Variants in LIMS2 observed in about 807,000 individuals in gnomAD.
The protein encoded by LIMS2 is LIM zinc finger domain containing 2, also known as LIM and senescent cell antigen-like-containing domain protein 2.
In LIMS2, 30 loss-of-function variants were observed where a neutral mutation model predicts 45.3. That is an observed-to-expected ratio of 0.66 (90% confidence interval 0.50 to 0.90). LIMS2 has a LOEUF of 0.90. LIMS2 is among the 40% of genes least tolerant of loss of function. The pLI is 0.00. For missense variants in LIMS2, 485 were observed against 468.7 expected (o/e 1.03, Z -0.32); for synonymous variants, 173 against 188.0 (o/e 0.92, Z 0.65).
chr2:127,651,914 G>A (rs1455024152), intron 4 of LIMS2: 24 of 701,402 alleles, frequency 3.4e-5, no homozygotes, highest in African/African-American at 5.4e-5. Context: ...CCCATAAAAA[G>A]GAAGAACTGA....
rs1684884842 is a variant in LIMS2, at chr2:127,664,430, T to G, written c.12-6868A>C. 2 of 1,190,886 alleles carry G rather than the reference T, an allele frequency of 1.7e-6. No individual in the cohort carries two copies. The highest frequency in any genetic ancestry group is 3.2e-5 in the African/African-American group (2 of 62,672). The allele number at this position is 1,190,886 out of a possible 1,614,324, so 73.8% of individuals were successfully genotyped here. ...CTTGAGGTCGCGGGCGCGGGCCGCC[T>G]GGTGCAGGGGCTATGGGACCACCTC... On this transcript the variant is annotated intron_variant, in intron 1 of 9. Transcript: ENST00000355119. This position sits in a 1 kb window ranked among gnomAD's most constrained non-coding sequence, Gnocchi z 5.5.
chr2:127,678,551 G>A (rs570651065), upstream of LIMS2, among the ~76,000 whole-genome samples: 1 of 152,314 alleles, frequency 6.6e-6, no homozygotes, highest in South Asian at 2.1e-4. This position sits in a 1 kb window ranked among gnomAD's most constrained non-coding sequence, Gnocchi z 5.3. Flanking sequence ...TGGGCCGTGC[G>A]ACAGTAGGGA....
chr2:127,670,467 G>A (rs1007939179), intron 1 of LIMS2, among the ~76,000 whole-genome samples: 3 of 152,200 alleles, frequency 2.0e-5, no homozygotes, highest in African/African-American at 7.2e-5. Flanking sequence ...GGTGGCCAGG[G>A]CTGGGAGGAG....
Position 127,675,067 on chromosome 2 carries a change from G to A in LIMS2, c.-43C>T. 8.1e-7 allele frequency: 1 copy of A among 1,228,822 alleles called. No homozygotes were observed. Among genetic ancestry groups the A allele is most frequent in the Non-Finnish European group, 1.0e-6 (1 of 984,960 alleles). 76.1% of individuals were successfully genotyped at this position (1,228,822 alleles called of 1,614,324 possible). A position where few individuals can be genotyped will look rare whatever the true frequency, so the allele number is the denominator to read the frequency against. ...GCCCTGGGTTGCCGGGGTTGCCGCG[G>A]GTCTCCCTCTGCTGCTGCAGCCGCC... On this transcript the variant is annotated 5_prime_UTR_variant, in exon 1 of 10. Transcript: ENST00000355119.
chr2:127,660,631 G>A (rs983155438), intron 1 of LIMS2, among the ~76,000 whole-genome samples: 22 of 152,178 alleles, frequency 1.4e-4, no homozygotes, highest in African/African-American at 4.8e-4. Flanking sequence ...AACGTCTGAA[G>A]GATCAAACTC....
Position 127,671,552 on chromosome 2 carries a change from T to C in LIMS2, c.11+3462A>G, listed in dbSNP as rs962186339. Among the ~76,000 whole-genome samples the C allele has an allele frequency of 1.3e-5, 2 of 152,316 alleles. No homozygotes were observed. The highest frequency in any genetic ancestry group is 1.9e-4 in the East Asian group (1 of 5,188). On this transcript the variant is annotated intron_variant, in intron 1 of 9. Transcript: ENST00000355119. This position sits in a 1 kb window ranked among gnomAD's most constrained non-coding sequence, Gnocchi z 4.1. ...CCCCAGTGGCTCCCTGGGCTGTCCCTTGCCAGTTCACAAGTGCTGACTGTT... is the reference window on the plus strand; with the variant it reads ...CCCCAGTGGCTCCCTGGGCTGTCCCCTGCCAGTTCACAAGTGCTGACTGTT...
At chr2:127,656,387 G>C (rs1019095765) in intron 2 of LIMS2, among the ~76,000 whole-genome samples, 1 of 150,726 alleles carries the variant, frequency 6.6e-6, no homozygotes, top group Non-Finnish European at 1.5e-5. Flanking sequence ...TCAGCACAGC[G>C]GCCACAAGCC....
rs542278647 is a variant in LIMS2 at position 127,647,728 on chromosome 2, C to T, written c.360-4656G>A. Among the ~76,000 whole-genome samples, 5 of 152,200 alleles carry T rather than the reference C, an allele frequency of 3.3e-5. No homozygotes were observed. In the East Asian group the frequency reaches 9.7e-4, roughly 30 times the overall value. On this transcript the variant is annotated intron_variant, in intron 4 of 9. Transcript: ENST00000355119. The surrounding 1 kb of genome is among the most constrained non-coding windows in gnomAD (Gnocchi z 4.3). Reference sequence around the variant, plus strand: ...TCCTGCCAACCTGAAAACAGCACACCTGTGTGCCCCTCCCATCTACCATGG... The same window carrying T: ...TCCTGCCAACCTGAAAACAGCACACTTGTGTGCCCCTCCCATCTACCATGG...
chr2:127,660,337 G>A (rs1684540136), intron 1 of LIMS2, among the ~76,000 whole-genome samples: 1 of 152,208 alleles, frequency 6.6e-6, no homozygotes, highest in Non-Finnish European at 1.5e-5. Flanking sequence ...TTTGCTTGGT[G>A]TGGAAAGTTT....
At chr2:127,660,391 T>C (rs575900048) in intron 1 of LIMS2, among the ~76,000 whole-genome samples, 1 of 152,312 alleles carries the variant, frequency 6.6e-6, no homozygotes, top group South Asian at 2.1e-4. Flanking sequence ...GCACGTTCTT[T>C]GGGTCTGCGC....
At chr2:127,652,525 A>G (rs1683914314) in intron 4 of LIMS2, 1 of 166,860 alleles carries the variant, frequency 6.0e-6, no homozygotes, top group Non-Finnish European at 1.5e-5. Flanking sequence ...CTTCCTCCAG[A>G]GAGGCCTCTC....
chr2:127,643,677 T>G, intron 4 of LIMS2: 1 of 445,826 alleles, frequency 2.2e-6, no homozygotes, highest in Admixed American at 2.4e-5. Flanking sequence ...GGACGACAGC[T>G]GTGTTCTCAA....
intron 6 of LIMS2, 71 bp from the exon 7 acceptor site, chr2:127,641,059 G>C: frequency 8.0e-7 from 1 of 1,257,340 alleles, no homozygotes; most frequent in Non-Finnish European, 1.2e-6. Context: ...GTGGTGACCC[G>C]GGGACAACAG....
At chr2:127,649,836 G>A (rs1199233414) in intron 4 of LIMS2, 1 of 611,462 alleles carries the variant, frequency 1.6e-6, no homozygotes, top group African/African-American at 1.9e-5. Context: ...TGGGGCTGCA[G>A]ATCCGTCCTC....
Position 127,642,987 on chromosome 2 carries a change from C to T in LIMS2, c.445G>A (p.Glu149Lys), listed in dbSNP as rs148943578. 2.3e-5 allele frequency: 37 copies of T among 1,574,542 alleles called. No homozygotes were observed. In the African/African-American group the frequency reaches 3.9e-4, roughly 17 times the overall value. The change falls in exon 5 of 10, where the codon GAG becomes AAG. Residue 149 changes from glutamate (E) to lysine (K), a missense_variant. Coordinates refer to ENST00000355119, the MANE Select transcript of LIMS2 (RefSeq NM_001161403.3). This position sits in a 1 kb window ranked among gnomAD's most constrained non-coding sequence, Gnocchi z 5.3. Reference protein sequence around the residue: ...ICQRCHLVIDEQPLMFRSDAY... With the variant: ...ICQRCHLVIDKQPLMFRSDAY... ...TCGCTCCTGAACATGAGGGGCTGCT[C>T]GTCGATGACCAGGTGGCACCGCTGG...
chr2:127,644,077 G>C, intron 4 of LIMS2: 1 of 456,542 alleles, frequency 2.2e-6, no homozygotes, highest in South Asian at 1.5e-5. Flanking sequence ...ACCTGCTACT[G>C]CTGGGTGTCT....
chr2:127,641,619 TGAG>T (rs926678866), intron 6 of LIMS2: 1 of 161,040 alleles, frequency 6.2e-6, no homozygotes, highest in African/African-American at 2.4e-5. Flanking sequence ...CATGAGAACA[TGAG>T]AGCCCACCAC....
chr2:127,663,095 GC>G (rs1263121941), intron 1 of LIMS2, among the ~76,000 whole-genome samples: 1 of 152,056 alleles, frequency 6.6e-6, no homozygotes, highest in Admixed American at 6.5e-5. Context: ...TCATCATCGT[GC>G]CTGTCCTGCC....
chr2:127,642,326 G>T lies in LIMS2; in HGVS notation c.510-127C>A. On this transcript the variant is annotated intron_variant, in intron 5 of 9. Transcript: ENST00000355119. This position sits in a 1 kb window ranked among gnomAD's most constrained non-coding sequence, Gnocchi z 5.3. Reference sequence around the variant, plus strand: ...CTGTCCCTGCAGAGCCGAGGCGGCAGCGCCTTCTGATCTCTGGGCACTTTG... The same window carrying T: ...CTGTCCCTGCAGAGCCGAGGCGGCATCGCCTTCTGATCTCTGGGCACTTTG... The T allele has an allele frequency of 8.7e-7, 1 of 1,145,952 alleles. No homozygotes were observed. Among genetic ancestry groups the T allele is most frequent in the Non-Finnish European group, 1.2e-6 (1 of 844,888 alleles). 71.0% of individuals were successfully genotyped at this position (1,145,952 alleles called of 1,614,324 possible). A position where few individuals can be genotyped will look rare whatever the true frequency, so the allele number is the denominator to read the frequency against.
Sources: allele counts gnomAD v4.1 joint callset (sites outside exome capture counted in the v4.1 genomes callset), GRCh38; gene constraint gnomAD v4.1.1; non-coding constraint Gnocchi (gnomAD v3.1); transcripts MANE v1.5; gene names NCBI Gene and HGNC (gene_info 2026-07-23, HGNC 2026-07-21).